Variants in ZBTB20 observed in about 807,000 individuals in gnomAD.
ZBTB20 encodes zinc finger and BTB domain-containing protein 20.
A neutral mutation model predicts 56.9 loss-of-function variants in ZBTB20; 9 were observed. That is an observed-to-expected ratio of 0.16 (90% CI 0.10 to 0.28). ZBTB20 has a LOEUF of 0.28. Ranked by LOEUF, ZBTB20 falls within the 10% of genes least tolerant of loss-of-function variation. The pLI, the probability that ZBTB20 is intolerant of heterozygous loss-of-function variation, is 1.00. For missense variants in ZBTB20, 655 were observed against 1,003.0 expected (o/e 0.65, Z 4.69); for synonymous variants, 417 against 420.7 (o/e 0.99, Z 0.11).
At chr3:115,038,832 G>A (rs1275232217) in intron 2 of ZBTB20, among the ~76,000 whole-genome samples, 4 of 151,934 alleles carry the variant, frequency 2.6e-5, no homozygotes, top group Admixed American at 2.6e-4. Flanking sequence ...ATATGAAAGT[G>A]GTAACGTCTA....
chr3:114,574,384 T>C (rs1351426057), intron 6 of ZBTB20, among the ~76,000 whole-genome samples: 2 of 152,198 alleles, frequency 1.3e-5, no homozygotes, highest in African/African-American at 2.4e-5. Context: ...CAGAATTTTG[T>C]GTCAATATAT....
At chr3:115,031,014 T>C (rs2080652753) in intron 2 of ZBTB20, among the ~76,000 whole-genome samples, 1 of 151,486 alleles carries the variant, frequency 6.6e-6, no homozygotes, top group Non-Finnish European at 1.5e-5. Flanking sequence ...TGTTTTTATT[T>C]ACATACATCC....
At chr3:115,081,372 T>G (rs550274855) in intron 1 of ZBTB20, among the ~76,000 whole-genome samples, 2 of 152,232 alleles carry the variant, frequency 1.3e-5, no homozygotes, top group African/African-American at 4.8e-5. Flanking sequence ...AGGGTTTGGT[T>G]GGAAATAAAC....
intron 7 of ZBTB20, among the ~76,000 whole-genome samples, chr3:114,483,909 C>CCT (rs1253261658): frequency 2.0e-5 from 3 of 151,628 alleles, no homozygotes; most frequent in Admixed American, 6.6e-5. Flanking sequence ...GTCCTTTGAA[C>CCT]TAAGGTTCAA....
chr3:114,882,918 T>C lies in ZBTB20; in HGVS notation c.-417+17386A>G, dbSNP rs570222380. Among the ~76,000 whole-genome samples, 4 of 152,272 alleles carry C rather than the reference T, an allele frequency of 2.6e-5. No individual in the cohort carries two copies. In the South Asian group the frequency reaches 6.2e-4, roughly 24 times the overall value. ...ATAGCAGAAAGATTGTTCAGTGTAA[T>C]GGTAAATGGTGAAAGGTATATACAT... On this transcript the variant is annotated intron_variant, in intron 4 of 11. Transcript: ENST00000675478.
At chr3:115,023,879 C>G (rs562211947) in intron 2 of ZBTB20, among the ~76,000 whole-genome samples, 1 of 151,028 alleles carries the variant, frequency 6.6e-6, no homozygotes, top group Non-Finnish European at 1.5e-5. Context: ...CATAAAAGTT[C>G]ATTTAAGATT....
At chr3:114,886,843 A>T (rs1254711896) in intron 4 of ZBTB20, among the ~76,000 whole-genome samples, 1 of 152,224 alleles carries the variant, frequency 6.6e-6, no homozygotes, top group East Asian at 1.9e-4. Context: ...TTTGTCAAAT[A>T]CCGAGGGGAA....
chr3:114,344,482 C>T (rs1005358339), intron 11 of ZBTB20, among the ~76,000 whole-genome samples: 2 of 152,134 alleles, frequency 1.3e-5, no homozygotes, highest in Admixed American at 6.5e-5. Context: ...TATGATGCTA[C>T]TATAACACAT....
intron 8 of ZBTB20, chr3:114,387,159 G>C (rs2085242198): frequency 6.6e-6 from 1 of 151,946 alleles, no homozygotes; most frequent in Non-Finnish European, 1.5e-5. Context: ...GGTGGTATGG[G>C]GGGGGTGGGT....
chr3:114,362,723 T>C (rs2108342166), intron 10 of ZBTB20, among the ~76,000 whole-genome samples: 1 of 152,162 alleles, frequency 6.6e-6, no homozygotes, highest in Admixed American at 6.5e-5. Flanking sequence ...GCTCACTGGG[T>C]CCCCCTGTCA....
chr3:114,482,159 G>A (rs1389515654), intron 7 of ZBTB20, among the ~76,000 whole-genome samples: 3 of 152,158 alleles, frequency 2.0e-5, no homozygotes, highest in Admixed American at 2.0e-4. Context: ...AGGGCCCAGA[G>A]CAAGGAAGAC....
At chr3:114,356,595 A>G (rs1435605098) in intron 10 of ZBTB20, among the ~76,000 whole-genome samples, 2 of 148,574 alleles carry the variant, frequency 1.3e-5, no homozygotes, top group East Asian at 3.9e-4. Context: ...TGAGCTTTCA[A>G]TTTGGGGCAC....
At chr3:114,812,655 G>A (rs1259829747) in intron 4 of ZBTB20, among the ~76,000 whole-genome samples, 3 of 152,242 alleles carry the variant, frequency 2.0e-5, no homozygotes, top group Non-Finnish European at 2.9e-5. Context: ...CCGCACCCGG[G>A]CTGCAGGTGG....
chr3:114,440,191 A>G (rs1281604573), intron 7 of ZBTB20, among the ~76,000 whole-genome samples: 1 of 152,158 alleles, frequency 6.6e-6, no homozygotes, highest in Non-Finnish European at 1.5e-5. Context: ...CTGTAAATAG[A>G]TAGCTACGAT....
intron 3 of ZBTB20, among the ~76,000 whole-genome samples, chr3:114,930,220 C>T (rs1251197270): frequency 1.3e-5 from 2 of 152,046 alleles, no homozygotes; most frequent in Admixed American, 6.6e-5. Context: ...GTCACCAGGG[C>T]ACGGTACACT....
chr3:114,584,372 T>A (rs1023384373), intron 6 of ZBTB20, among the ~76,000 whole-genome samples: 1 of 152,234 alleles, frequency 6.6e-6, no homozygotes, highest in Non-Finnish European at 1.5e-5. Context: ...AAAATCATTA[T>A]GGAAATCCTA....
chr3:115,051,200 T>C (rs1291299080), intron 2 of ZBTB20, among the ~76,000 whole-genome samples: 1 of 152,104 alleles, frequency 6.6e-6, no homozygotes, highest in East Asian at 1.9e-4. Flanking sequence ...TTGGGTAGTA[T>C]GTTAGTTCCT....
chr3:115,010,222 G>T (rs931344666), intron 2 of ZBTB20, among the ~76,000 whole-genome samples: 1 of 151,930 alleles, frequency 6.6e-6, no homozygotes, highest in South Asian at 2.1e-4. Flanking sequence ...AAGTACACAG[G>T]CCTGGCTGGC....
intron 7 of ZBTB20, among the ~76,000 whole-genome samples, chr3:114,435,962 C>T (rs1396541416): frequency 6.6e-6 from 1 of 152,046 alleles, no homozygotes; most frequent in Non-Finnish European, 1.5e-5. Flanking sequence ...TATGATATTT[C>T]CCGCTACAAT....
Sources: gnomAD v4.1 joint callset for allele counts (sites outside exome capture counted in the v4.1 genomes callset) on GRCh38, gnomAD v4.1.1 for gene constraint, MANE v1.5 for transcripts, NCBI Gene and HGNC (gene_info 2026-07-23, HGNC 2026-07-21) for gene names.